The following ADAMTSL3 variants were observed in gnomAD, a reference collection of about 807,000 sequenced individuals.
The protein encoded by ADAMTSL3 is ADAMTS-like protein 3.
ADAMTSL3 carries 128 observed loss-of-function variants against 201.7 expected under a neutral mutation model. The observed-to-expected ratio is 0.63, with a 90% CI of 0.55 to 0.73. The LOEUF (loss-of-function observed/expected upper bound fraction) is 0.73, where lower values mean the gene tolerates loss of function less well. ADAMTSL3 is among the 30% of genes least tolerant of loss of function. The pLI, the probability that ADAMTSL3 is intolerant of heterozygous loss-of-function variation, is 0.00. For missense variants in ADAMTSL3, 1,990 were observed against 2,119.6 expected (o/e 0.94, Z 1.20); for synonymous variants, 738 against 748.4 (o/e 0.99, Z 0.23).
At chr15:83,905,831 T>C (rs759782387) in intron 15 of ADAMTSL3, among the ~76,000 whole-genome samples, 8 of 152,142 alleles carry the variant, frequency 5.3e-5, no homozygotes, top group Non-Finnish European at 1.0e-4. Flanking sequence ...TGCTGGCTTC[T>C]CTCGCCAGCA....
chr15:83,948,980 C>T (rs12910871), intron 19 of ADAMTSL3, among the ~76,000 whole-genome samples: 21,100 of 151,932 alleles, frequency 0.14, 1,875 homozygotes, highest in Middle Eastern at 0.33. Context: ...GGTATCCATC[C>T]CCTCAAGCAT....
chr15:83,773,682 G>A, intron 4 of ADAMTSL3, 32 bp downstream of exon 4: 2 of 1,597,066 alleles, frequency 1.3e-6, no homozygotes, highest in Non-Finnish European at 1.7e-6. Flanking sequence ...TCCTGCATGT[G>A]GAATGTGCCA....
chr15:83,773,815 A>G (rs566579154), intron 4 of ADAMTSL3, among the ~76,000 whole-genome samples, 165 bp downstream of exon 4: 1 of 152,342 alleles, frequency 6.6e-6, no homozygotes, highest in Non-Finnish European at 1.5e-5. Flanking sequence ...TTAAGCAGCC[A>G]TGGTCCCGTT....
At chr15:83,689,011 C>T (rs978213500) in intron 2 of ADAMTSL3, among the ~76,000 whole-genome samples, 12 of 152,016 alleles carry the variant, frequency 7.9e-5, no homozygotes, top group Admixed American at 3.3e-4. Context: ...TTTGTAGAGA[C>T]GGAGTTTCAC....
chr15:84,006,753 A>C (rs762147182), intron 23 of ADAMTSL3, among the ~76,000 whole-genome samples: 2 of 152,244 alleles, frequency 1.3e-5, no homozygotes, highest in African/African-American at 2.4e-5. Context: ...GAAACACCAT[A>C]AAGAGCAGTG....
At chr15:83,826,825 A>G (rs968844259) in intron 6 of ADAMTSL3, among the ~76,000 whole-genome samples, 1 of 151,946 alleles carries the variant, frequency 6.6e-6, no homozygotes, top group Non-Finnish European at 1.5e-5. Flanking sequence ...CCATGTCCCT[A>G]CAAAGGACAT....
chr15:83,881,332 G>T (rs895186389), intron 9 of ADAMTSL3, among the ~76,000 whole-genome samples: 1 of 152,212 alleles, frequency 6.6e-6, no homozygotes, highest in African/African-American at 2.4e-5. Context: ...ACCTTGGAAG[G>T]CCTTGAGCTC....
intron 3 of ADAMTSL3, among the ~76,000 whole-genome samples, chr15:83,752,826 T>G (rs1450816955): frequency 2.6e-5 from 4 of 152,214 alleles, no homozygotes; most frequent in Admixed American, 1.3e-4. Context: ...CAAACATTTC[T>G]TCTCTTTTCC....
At chr15:83,909,942 C>G (rs941266562) in intron 15 of ADAMTSL3, among the ~76,000 whole-genome samples, 1 of 152,082 alleles carries the variant, frequency 6.6e-6, no homozygotes, top group Admixed American at 6.6e-5. Context: ...GTATGTACCC[C>G]TCAAACCCCA....
chr15:83,763,350 T>C (rs1008189956), intron 3 of ADAMTSL3, among the ~76,000 whole-genome samples: 73 of 152,154 alleles, frequency 4.8e-4, no homozygotes, highest in African/African-American at 1.6e-3. Flanking sequence ...CACTCAGTTT[T>C]AATTATTGCC....
chr15:83,886,000 A>T (rs2065382871), intron 10 of ADAMTSL3, among the ~76,000 whole-genome samples: 1 of 152,218 alleles, frequency 6.6e-6, no homozygotes, highest in African/African-American at 2.4e-5. Context: ...CTGGGATTAC[A>T]GGCATGAGCC....
chr15:84,018,047 A>G (rs923051571), intron 25 of ADAMTSL3, among the ~76,000 whole-genome samples: 7 of 152,276 alleles, frequency 4.6e-5, no homozygotes, highest in African/African-American at 1.7e-4. Flanking sequence ...GGTGTGTTGC[A>G]TGTGGCATGG....
Position 84,021,694 on chromosome 15 carries a change from T to A in ADAMTSL3, c.4457+101T>A, listed in dbSNP as rs376331473. ...AATAATTCAATAGCTAAGTTTTTTT[T>A]ATCACTTACTGTATACTAGGCATCC... On this transcript the variant is annotated intron_variant, in intron 26 of 29. Transcript: ENST00000286744. 100 of 1,280,764 alleles carry A rather than the reference T, an allele frequency of 7.8e-5. No individual in the cohort carries two copies. The Middle Eastern group carries it at 1.3e-3, about 17-fold the overall frequency. 79.3% of individuals were successfully genotyped at this position (1,280,764 alleles called of 1,614,324 possible).
chr15:83,727,462 T>C (rs920834726), intron 3 of ADAMTSL3, among the ~76,000 whole-genome samples: 2 of 152,050 alleles, frequency 1.3e-5, no homozygotes, highest in South Asian at 4.1e-4. Flanking sequence ...TCTAGTTCTT[T>C]AAGATGCATC....
At chr15:83,694,661 C>T (rs1445864674) in intron 2 of ADAMTSL3, among the ~76,000 whole-genome samples, 2 of 152,104 alleles carry the variant, frequency 1.3e-5, no homozygotes, top group African/African-American at 2.4e-5. Context: ...GCTCCCCATT[C>T]GGAGGAATAG....
chr15:84,026,470 A>G (rs903558094), intron 27 of ADAMTSL3, among the ~76,000 whole-genome samples: 4 of 152,206 alleles, frequency 2.6e-5, no homozygotes, highest in Non-Finnish European at 5.9e-5. Context: ...TCATGTGGAT[A>G]TAGAAGAGAC....
intron 3 of ADAMTSL3, among the ~76,000 whole-genome samples, chr15:83,715,552 C>T (rs1045441799): frequency 6.6e-6 from 1 of 152,320 alleles, no homozygotes; most frequent in East Asian, 1.9e-4. Flanking sequence ...TTGTCTTTTC[C>T]ACCAGGCTTT....
At chr15:83,979,295 A>C (rs1370290079) in intron 20 of ADAMTSL3, among the ~76,000 whole-genome samples, 1 of 152,228 alleles carries the variant, frequency 6.6e-6, no homozygotes, top group African/African-American at 2.4e-5. Context: ...GCTTGCAAAG[A>C]AGTGAGTTAC....
intron 6 of ADAMTSL3, among the ~76,000 whole-genome samples, chr15:83,829,125 G>T (rs2064094034): frequency 6.6e-6 from 1 of 152,168 alleles, no homozygotes; most frequent in Non-Finnish European, 1.5e-5. Flanking sequence ...TTGTACCTCT[G>T]GAAGAATTCG....
Sources: allele counts gnomAD v4.1 joint callset (sites outside exome capture counted in the v4.1 genomes callset), GRCh38; gene constraint gnomAD v4.1.1; transcripts MANE v1.5; gene names NCBI Gene and HGNC (gene_info 2026-07-23, HGNC 2026-07-21).